The following MYO9A variants were observed in gnomAD, a reference collection of about 807,000 sequenced individuals.
The protein encoded by MYO9A is myosin IXA.
MYO9A carries 103 observed loss-of-function variants against 293.3 expected under a neutral mutation model. The ratio of observed to expected loss-of-function variants is 0.35; its 90% confidence interval spans 0.30 to 0.41. The LOEUF (loss-of-function observed/expected upper bound fraction) is 0.41. Ranked by LOEUF, MYO9A falls within the 10% of genes least tolerant of loss-of-function variation. The pLI is 1.00. For synonymous variants in MYO9A, 1,001 were observed against 1,035.7 expected (o/e 0.97, Z 0.64); for missense variants, 2,685 against 3,033.0 (o/e 0.89, Z 2.69).
intron 4 of MYO9A, among the ~76,000 whole-genome samples, chr15:72,025,971 C>T (rs2077653542): frequency 6.6e-6 from 1 of 152,114 alleles, no homozygotes; most frequent in South Asian, 2.1e-4. Context: ...AAACACTTTG[C>T]AGTGAAATAA....
Position 72,100,968 on chromosome 15 carries a change from T to TG in MYO9A, c.-72+16711dup, listed in dbSNP as rs1181738890. On this transcript the variant is annotated intron_variant, in intron 1 of 41. Transcript: ENST00000356056. ...CCAGCCGCCGCGTCCCGGAGGGAGG[T>TG]GGGGGGGTCAGCCCCCCGCCTGGCC... is the stretch of plus-strand genomic sequence containing the variant. 1.1e-3 allele frequency among the ~76,000 whole-genome samples: 85 copies of TG among 75,370 alleles called. 1 individual carries two copies. The highest frequency in any genetic ancestry group is 1.7e-3 in the African/African-American group (36 of 20,590). 49.4% of individuals were successfully genotyped at this position (75,370 alleles called of 152,430 possible).
chr15:72,081,164 C>T (rs1040929747), intron 1 of MYO9A, among the ~76,000 whole-genome samples: 1 of 152,188 alleles, frequency 6.6e-6, no homozygotes, highest in Non-Finnish European at 1.5e-5. Context: ...AATGGTTGAA[C>T]TAATTTACAC....
chr15:72,034,172 CA>C (rs1397964516), intron 2 of MYO9A, among the ~76,000 whole-genome samples: 2 of 152,176 alleles, frequency 1.3e-5, no homozygotes, highest in African/African-American at 4.8e-5. Context: ...GTCCTGAGAC[CA>C]GAAACATCAG....
intron 1 of MYO9A, among the ~76,000 whole-genome samples, chr15:72,072,165 T>A (rs1305887969): frequency 2.0e-5 from 3 of 150,296 alleles, no homozygotes; most frequent in African/African-American, 7.3e-5. Flanking sequence ...GGAGTCTTGC[T>A]CTGTCACCCA....
chr15:71,873,031 G>T (rs2056567794), intron 32 of MYO9A, among the ~76,000 whole-genome samples: 1 of 151,902 alleles, frequency 6.6e-6, no homozygotes, highest in South Asian at 2.1e-4. Context: ...TCCTGCCTCA[G>T]CCTCCCGAGC....
chr15:71,956,310 T>TAAA (rs869151550), intron 14 of MYO9A, among the ~76,000 whole-genome samples: 27 of 36,752 alleles, frequency 7.3e-4, no homozygotes, highest in African/African-American at 2.8e-3. Context: ...ACCCGGCTCT[T>TAAA]AAAAAAAAAA....
intron 19 of MYO9A, 92 bp downstream of exon 19, chr15:71,916,278 C>A: frequency 7.2e-7 from 1 of 1,381,184 alleles, no homozygotes; most frequent in Non-Finnish European, 9.7e-7. Context: ...AAATTAAAAT[C>A]CCATTCAAGT....
chr15:72,056,885 G>A (rs1377869839), intron 1 of MYO9A, among the ~76,000 whole-genome samples: 3 of 151,752 alleles, frequency 2.0e-5, no homozygotes, highest in East Asian at 1.9e-4. Flanking sequence ...TGAGGCGGGC[G>A]GATCACCTGA....
At chr15:72,053,681 C>A (rs941285560) in intron 1 of MYO9A, among the ~76,000 whole-genome samples, 9 of 152,102 alleles carry the variant, frequency 5.9e-5, no homozygotes, top group African/African-American at 2.2e-4. Context: ...AGGCGAGGAT[C>A]GAAAAACTAC....
In MYO9A at chr15:71,850,765, CAAAAAAAAAAAAAAAAAAA is replaced by C. The variant is rs780727961; in HGVS notation, c.6581+469_6581+487del. Among the ~76,000 whole-genome samples, 22 of 44,124 alleles carry C rather than the reference CAAAAAAAAAAAAAAAAAAA, an allele frequency of 5.0e-4. 1 individual carries two copies. Among genetic ancestry groups the C allele is most frequent in the South Asian group, 4.0e-3 (4 of 994 alleles). 28.9% of individuals were successfully genotyped at this position (44,124 alleles called of 152,430 possible). A position where few individuals can be genotyped will look rare whatever the true frequency, so the allele number is the denominator to read the frequency against. On this transcript the variant is annotated intron_variant, in intron 37 of 41. Coordinates refer to ENST00000356056, the MANE Select transcript of MYO9A (RefSeq NM_006901.4). ...TGGGTGACAGACTGAAACTGTGTCT[CAAAAAAAAAAAAAAAAAAA>C]AAAAAAAAAAAAAAAAAGAATGCAG...
chr15:72,033,914 G>A (rs143955677), intron 2 of MYO9A, among the ~76,000 whole-genome samples: 10 of 152,232 alleles, frequency 6.6e-5, no homozygotes, highest in East Asian at 5.8e-4. Flanking sequence ...GATTCATTGC[G>A]GAGCTTTTTT....
rs1567199468 is a variant in MYO9A at position 71,854,425 on chromosome 15, A to C, written c.6298T>G (p.Ser2100Ala). The change falls in exon 35 of 42, where the codon TCT becomes GCT. Residue 2100 changes from serine (S) to alanine (A), a missense_variant. Around this residue, in one of 10 missense-constraint regions of MYO9A, gnomAD observed 238 missense variants for 269.1 expected, o/e 0.88. Coordinates refer to ENST00000356056, the MANE Select transcript of MYO9A (RefSeq NM_006901.4). ...TCCTTGATTTTATTAGTCGAACCAG[A>C]CTTTCGATAAATACCTTCTGTATAC... is the stretch of plus-strand genomic sequence containing the variant. ...GLYTEGIYRK[S>A]GSTNKIKELR... 3 of 1,608,058 alleles carry C rather than the reference A, an allele frequency of 1.9e-6. No homozygotes were observed. The highest frequency in any genetic ancestry group is 2.5e-6 in the Non-Finnish European group (3 of 1,177,672).
At chr15:71,943,961 T>C (rs140762405) in intron 15 of MYO9A, among the ~76,000 whole-genome samples, 1,916 of 152,222 alleles carry the variant, frequency 0.013, 58 homozygotes, top group Admixed American at 0.058. Flanking sequence ...CGGAAATAAC[T>C]GTACCATTTG....
intron 31 of MYO9A, among the ~76,000 whole-genome samples, chr15:71,876,624 C>T (rs917650531): frequency 4.0e-5 from 6 of 150,770 alleles, no homozygotes; most frequent in South Asian, 4.2e-4. Flanking sequence ...TTAGTAGAGA[C>T]GGGGTTTCAC....
chr15:71,840,300 A>G (rs1045332001), intron 39 of MYO9A, among the ~76,000 whole-genome samples: 1 of 152,186 alleles, frequency 6.6e-6, no homozygotes, highest in African/African-American at 2.4e-5. Flanking sequence ...TTTTCCTTGC[A>G]CCTGAGTTGT....
intron 2 of MYO9A, among the ~76,000 whole-genome samples, chr15:72,039,753 C>CG (rs2149562398): frequency 6.6e-6 from 1 of 152,200 alleles, no homozygotes; most frequent in African/African-American, 2.4e-5. Context: ...CGCTTGATCC[C>CG]GGCAAGTGGA....
intron 11 of MYO9A, among the ~76,000 whole-genome samples, chr15:71,986,214 G>C (rs960805875): frequency 1.3e-5 from 2 of 152,158 alleles, no homozygotes; most frequent in African/African-American, 4.8e-5. Context: ...ACTGAGAGAT[G>C]ATCTAAAGTA....
chr15:72,077,244 A>G (rs545386050), intron 1 of MYO9A, among the ~76,000 whole-genome samples: 21 of 152,288 alleles, frequency 1.4e-4, no homozygotes, highest in African/African-American at 4.8e-4. Context: ...CCAAAAGCAC[A>G]AACCATAGAA....
chr15:71,901,320 T>C lies in MYO9A; in HGVS notation c.3021A>G (p.Glu1007=), dbSNP rs542370400. ...GAAGCAGATCTTGTAAGTGCTGTCG[T>C]TCCTGCTCCTTTAGAAAGACCTACC... ...GKTMVFLKEQ[E]RQHLQDLLHQ... The change falls in exon 23 of 42, where the codon GAA becomes GAG. Residue 1007 remains glutamate, a synonymous_variant. Coordinates refer to ENST00000356056, the MANE Select transcript of MYO9A (RefSeq NM_006901.4). 1.2e-6 allele frequency: 2 copies of C among 1,612,852 alleles called. No individual in the cohort carries two copies. Among genetic ancestry groups the C allele is most frequent in the East Asian group, 4.5e-5 (2 of 44,814 alleles).
Sources: gnomAD v4.1 joint callset for allele counts (sites outside exome capture counted in the v4.1 genomes callset) on GRCh38, gnomAD v4.1.1 for gene constraint, gnomAD v4.1.1 regional missense constraint, MANE v1.5 for transcripts, NCBI Gene and HGNC (gene_info 2026-07-23, HGNC 2026-07-21) for gene names.